Variants in BMP7 observed in about 807,000 individuals in gnomAD.
BMP7 encodes the protein osteogenic protein 1.
A neutral mutation model predicts 41.2 loss-of-function variants in BMP7; 12 were observed. That is an observed-to-expected ratio of 0.29 (90% CI 0.19 to 0.47). The LOEUF (loss-of-function observed/expected upper bound fraction) is 0.47, where lower values mean the gene tolerates loss of function less well. Ranked by LOEUF, BMP7 falls within the 20% of genes least tolerant of loss-of-function variation. BMP7 has a pLI of 0.99. For synonymous variants in BMP7, 248 were observed against 250.0 expected (o/e 0.99, Z 0.07); for missense variants, 467 against 606.0 (o/e 0.77, Z 2.41).
intron 2 of BMP7, among the ~76,000 whole-genome samples, chr20:57,211,870 T>C (rs1366499144): frequency 1.3e-5 from 2 of 152,200 alleles, no homozygotes; most frequent in Non-Finnish European, 2.9e-5. Flanking sequence ...AAAACCCATT[T>C]CAGACTTCAG....
chr20:57,179,818 G>A (rs955996319), intron 4 of BMP7, among the ~76,000 whole-genome samples: 7 of 152,140 alleles, frequency 4.6e-5, no homozygotes, highest in Admixed American at 2.6e-4. Context: ...GCTGCAAACA[G>A]GGCCACGAGC....
intron 1 of BMP7, among the ~76,000 whole-genome samples, chr20:57,237,308 G>A (rs2066051719): frequency 6.6e-6 from 1 of 152,136 alleles, no homozygotes; most frequent in South Asian, 2.1e-4. Flanking sequence ...GACTGCTCAG[G>A]GCCCCATATC....
At chr20:57,235,122 C>A (rs1227531452) in intron 1 of BMP7, among the ~76,000 whole-genome samples, 1 of 152,262 alleles carries the variant, frequency 6.6e-6, no homozygotes, top group Non-Finnish European at 1.5e-5. Flanking sequence ...ACTATGGAAT[C>A]ACAGATGTGT....
In BMP7 at chr20:57,228,218, A is replaced by G; in HGVS notation, c.611+11T>C. On this transcript the variant is annotated intron_variant, in intron 2 of 6. Transcript: ENST00000395863. The surrounding 1 kb of genome is among the most constrained non-coding windows in gnomAD (Gnocchi z 4.5). The stretch of plus-strand genomic sequence containing the variant: ...CTCAGCACCTCTCCCAGATACCCGT[A>G]TAGCACCCACCTGCCCAAGTGCTCC... The G allele has an allele frequency of 1.9e-6, 3 of 1,612,624 alleles. No individual in the cohort carries two copies. The highest frequency in any genetic ancestry group is 1.1e-5 in the South Asian group (1 of 90,994).
At chr20:57,208,470 G>T (rs1332647109) in intron 2 of BMP7, among the ~76,000 whole-genome samples, 1 of 152,170 alleles carries the variant, frequency 6.6e-6, no homozygotes, top group African/African-American at 2.4e-5. Context: ...AGAGAAAGTG[G>T]AACTCTCATA....
intron 2 of BMP7, among the ~76,000 whole-genome samples, chr20:57,208,117 C>T (rs1984786114): frequency 6.6e-6 from 1 of 152,218 alleles, no homozygotes; most frequent in South Asian, 2.1e-4. Flanking sequence ...GCGTGAGCCA[C>T]CGCACCCGGC....
At chr20:57,223,229 CAA>C (rs35071781) in intron 2 of BMP7, among the ~76,000 whole-genome samples, 10 of 62,376 alleles carry the variant, frequency 1.6e-4, no homozygotes, top group Admixed American at 3.1e-4. Flanking sequence ...GACTCCATCT[CAA>C]AAAAAAAAAA....
chr20:57,190,880 T>C (rs890717854), intron 3 of BMP7, among the ~76,000 whole-genome samples: 1 of 152,190 alleles, frequency 6.6e-6, no homozygotes, highest in African/African-American at 2.4e-5. Context: ...ATGGTGGGCC[T>C]GCCCACTCCA....
At chr20:57,220,766 T>C (rs1269610372) in intron 2 of BMP7, among the ~76,000 whole-genome samples, 1 of 152,218 alleles carries the variant, frequency 6.6e-6, no homozygotes, top group Non-Finnish European at 1.5e-5. Context: ...GTATCATAAT[T>C]ACAGGCAATT....
At chr20:57,237,943 T>G (rs573699880) in intron 1 of BMP7, among the ~76,000 whole-genome samples, 2 of 152,344 alleles carry the variant, frequency 1.3e-5, no homozygotes, top group East Asian at 3.9e-4. Flanking sequence ...AAACTTTTAT[T>G]TTTAATTGTG....
chr20:57,230,738 G>A lies in BMP7; in HGVS notation c.419-2317C>T, dbSNP rs180716012. On this transcript the variant is annotated intron_variant, in intron 1 of 6. Transcript: ENST00000395863. ...GTCACCCAGGCTGGAGTGCAGTGGCGCGATCTCGGCTTACTACAAGCTCCG... is the reference window on the plus strand; with the variant it reads ...GTCACCCAGGCTGGAGTGCAGTGGCACGATCTCGGCTTACTACAAGCTCCG... Among the ~76,000 whole-genome samples the A allele has an allele frequency of 6.9e-4, 104 of 150,270 alleles. No homozygotes were observed. The East Asian group carries it at 0.019, about 27-fold the overall frequency.
intron 2 of BMP7, among the ~76,000 whole-genome samples, chr20:57,225,227 G>T (rs548005259): frequency 6.6e-6 from 1 of 152,268 alleles, no homozygotes; most frequent in African/African-American, 2.4e-5. Flanking sequence ...CTGAACAGGC[G>T]AGCTGGAGGA....
At position 57,171,512 on chromosome 20, in the gene BMP7, T is replaced by C. The variant is rs2865360; in HGVS notation, c.1147-404A>G. ...ACAGAGGATGTGGGACAGGGACACA[T>C]AGACTCAAATGCCTATGAGTGCCAC... On this transcript the variant is annotated intron_variant, in intron 6 of 6. Coordinates refer to ENST00000395863, the MANE Select transcript of BMP7 (RefSeq NM_001719.3). This position sits in a 1 kb window ranked among gnomAD's most constrained non-coding sequence, Gnocchi z 4.5. Among the ~76,000 whole-genome samples the C allele has an allele frequency of 0.44, 67,389 of 151,950 alleles. 16,061 individuals are homozygous for C. Among genetic ancestry groups the C allele is most frequent in the East Asian group, 0.68 (3,517 of 5,160 alleles).
rs2066017383 is a variant in BMP7, at chr20:57,228,641, A to G, written c.419-220T>C. On this transcript the variant is annotated intron_variant, in intron 1 of 6. Transcript: ENST00000395863. This position sits in a 1 kb window ranked among gnomAD's most constrained non-coding sequence, Gnocchi z 4.5. The stretch of plus-strand genomic sequence containing the variant: ...CATGGTCATCCTGAACGACAAGAGC[A>G]TGATTCTGCATCCAACCTGCTGGGA... Among the ~76,000 whole-genome samples the G allele has an allele frequency of 6.6e-6, 1 of 152,216 alleles. No homozygotes were observed. The highest frequency in any genetic ancestry group is 2.4e-5 in the African/African-American group (1 of 41,456).
chr20:57,244,843 C>T (rs2066083589), intron 1 of BMP7, among the ~76,000 whole-genome samples: 1 of 152,202 alleles, frequency 6.6e-6, no homozygotes, highest in Admixed American at 6.5e-5. Flanking sequence ...CCCAGAGCAG[C>T]CAGAGAGGCT....
At chr20:57,196,026 G>T (rs568407731) in intron 3 of BMP7, among the ~76,000 whole-genome samples, 1 of 152,140 alleles carries the variant, frequency 6.6e-6, no homozygotes, top group African/African-American at 2.4e-5. Flanking sequence ...AGGGCTCCCC[G>T]ATCATCTTCT....
chr20:57,207,826 T>G (rs947728759), intron 2 of BMP7, among the ~76,000 whole-genome samples: 4 of 139,612 alleles, frequency 2.9e-5, no homozygotes, highest in African/African-American at 8.1e-5. Flanking sequence ...TTTTTTTTTT[T>G]TTTTTTTTTT....
At chr20:57,212,565 C>G (rs1600626141) in intron 2 of BMP7, among the ~76,000 whole-genome samples, 1 of 152,194 alleles carries the variant, frequency 6.6e-6, no homozygotes, top group Non-Finnish European at 1.5e-5. Context: ...ATGTTGTGAA[C>G]GGTTGCTGGG....
At position 57,174,967 on chromosome 20, in the gene BMP7, G is replaced by T; in HGVS notation, c.999C>A (p.His333Gln). Residue 333 changes from histidine (H) to glutamine (Q), a missense_variant, in exon 5 of 7, where the codon CAC becomes CAA. By Grantham distance (24) the His-to-Gln change is conservative. Transcript: ENST00000395863. This position sits in a 1 kb window ranked among gnomAD's most constrained non-coding sequence, Gnocchi z 4.3. ...GGTCTCGGAAGCTGACATACAGCTCGTGCTTCTTACAGGCCTGCCTCTGGT... is the reference window on the plus strand; with the variant it reads ...GGTCTCGGAAGCTGACATACAGCTCTTGCTTCTTACAGGCCTGCCTCTGGT... ...SSDQRQACKK[H>Q]ELYVSFRDLG... 1 of 1,612,276 alleles carries T rather than the reference G, an allele frequency of 6.2e-7. No individual in the cohort carries two copies. Among genetic ancestry groups the T allele is most frequent in the Non-Finnish European group, 8.5e-7 (1 of 1,179,886 alleles).
Sources: gnomAD v4.1 joint callset for allele counts (sites outside exome capture counted in the v4.1 genomes callset) on GRCh38, gnomAD v4.1.1 for gene constraint, Gnocchi (gnomAD v3.1) non-coding constraint, MANE v1.5 for transcripts, NCBI Gene and HGNC (gene_info 2026-07-23, HGNC 2026-07-21) for gene names.